The following SAMMSON variants were observed in gnomAD, a reference collection of about 807,000 sequenced individuals.
SAMMSON encodes long intergenic non-protein coding RNA 1212.
chr3:70,105,210 A>G (rs1048414569), intron 4 of SAMMSON, among the ~76,000 whole-genome samples: 30 of 152,152 alleles, frequency 2.0e-4, no homozygotes, highest in African/African-American at 7.0e-4. Context: ...TTGCTTTCCT[A>G]TTGTTGAAGA....
At chr3:70,221,676 T>C (rs536719163) in intron 4 of SAMMSON, among the ~76,000 whole-genome samples, 17 of 152,280 alleles carry the variant, frequency 1.1e-4, no homozygotes, top group African/African-American at 3.4e-4. Context: ...GACTGGTCAA[T>C]GATGCCAAGG....
chr3:70,368,724 T>TA (rs1465519259), intron 9 of SAMMSON, among the ~76,000 whole-genome samples: 2 of 151,668 alleles, frequency 1.3e-5, no homozygotes, highest in Non-Finnish European at 3.0e-5. Flanking sequence ...TCTGTTGATT[T>TA]ATGTGTTTAT....
At chr3:70,428,782 G>T (rs1292932489) in intron 2 of SAMMSON, among the ~76,000 whole-genome samples, 1 of 152,032 alleles carries the variant, frequency 6.6e-6, no homozygotes, top group East Asian at 1.9e-4. Context: ...GTTTTTTATT[G>T]ATTTATATGT....
At chr3:70,305,862 C>G (rs1702394899) in intron 7 of SAMMSON, among the ~76,000 whole-genome samples, 1 of 152,080 alleles carries the variant, frequency 6.6e-6, no homozygotes, top group Admixed American at 6.5e-5. Context: ...TGAGATTTTT[C>G]TATTATGCAT....
At chr3:70,182,447 G>A (rs1040402325) in intron 4 of SAMMSON, among the ~76,000 whole-genome samples, 4 of 151,848 alleles carry the variant, frequency 2.6e-5, no homozygotes, top group South Asian at 4.2e-4. Context: ...TGTGTTTTAT[G>A]GGGGGAGAGT....
intron 6 of SAMMSON, among the ~76,000 whole-genome samples, chr3:70,269,233 G>A (rs958135787): frequency 6.6e-6 from 1 of 152,102 alleles, no homozygotes; most frequent in Admixed American, 6.5e-5. Context: ...ATCAATTATA[G>A]GCTAGGTCAT....
At chr3:70,143,214 TGA>T (rs2067534809) in intron 4 of SAMMSON, among the ~76,000 whole-genome samples, 6 of 152,086 alleles carry the variant, frequency 3.9e-5, no homozygotes, top group Non-Finnish European at 1.5e-5. Context: ...TTTATCCATG[TGA>T]TGAAACATCT....
intron 1 of SAMMSON, among the ~76,000 whole-genome samples, chr3:70,001,652 G>T (rs2066906169): frequency 6.6e-6 from 1 of 152,074 alleles, no homozygotes; most frequent in Admixed American, 6.6e-5. Context: ...TTTATTTTGG[G>T]GGGGAATCAC....
intron 9 of SAMMSON, among the ~76,000 whole-genome samples, chr3:70,371,442 A>T (rs1470599601): frequency 6.6e-6 from 1 of 152,064 alleles, no homozygotes; most frequent in African/African-American, 2.4e-5. Flanking sequence ...CCAATCCATG[A>T]GCACAAAATG....
chr3:70,076,199 A>AACAGGTTTCACATAAAC (rs1392890754), intron 4 of SAMMSON, among the ~76,000 whole-genome samples: 1 of 152,104 alleles, frequency 6.6e-6, no homozygotes, highest in Non-Finnish European at 1.5e-5. Flanking sequence ...TGTTTATGTG[A>AACAGGTTTCACATAAAC]ATAGAAATTT....
At chr3:70,415,377 C>G (rs954425264) in intron 2 of SAMMSON, among the ~76,000 whole-genome samples, 1 of 152,068 alleles carries the variant, frequency 6.6e-6, no homozygotes, top group Non-Finnish European at 1.5e-5. Context: ...AATTTAATCA[C>G]AAAGGAAAAA....
At chr3:70,032,380 A>G (rs570133983) in intron 3 of SAMMSON, among the ~76,000 whole-genome samples, 1 of 152,346 alleles carries the variant, frequency 6.6e-6, no homozygotes, top group East Asian at 1.9e-4. Context: ...GTTTATAGCA[A>G]CAAAGATTTG....
intron 4 of SAMMSON, among the ~76,000 whole-genome samples, chr3:70,131,402 C>G (rs1418386460): frequency 6.6e-6 from 1 of 152,170 alleles, no homozygotes; most frequent in Non-Finnish European, 1.5e-5. Flanking sequence ...GTTTTCCCTG[C>G]TATCTCATTG....
intron 2 of SAMMSON, among the ~76,000 whole-genome samples, chr3:70,415,154 A>G (rs1378888835): frequency 6.6e-6 from 1 of 152,196 alleles, no homozygotes; most frequent in Non-Finnish European, 1.5e-5. Flanking sequence ...TGTGTAAAAC[A>G]AAGGTGAGTG....
At chr3:70,085,323 C>T (rs6549268) in intron 4 of SAMMSON, among the ~76,000 whole-genome samples, 51,462 of 152,078 alleles carry the variant, frequency 0.34, 9,404 homozygotes, top group African/African-American at 0.47. Flanking sequence ...AGAATTCTTT[C>T]TGGGTTCCCC....
chr3:70,406,839 G>A (rs1313586739), intron 2 of SAMMSON, among the ~76,000 whole-genome samples: 1 of 152,194 alleles, frequency 6.6e-6, no homozygotes, highest in Non-Finnish European at 1.5e-5. Context: ...AAAACAATGA[G>A]TGAGATGATA....
chr3:70,403,073 A>G (rs1343525324), intron 2 of SAMMSON, among the ~76,000 whole-genome samples: 1 of 152,116 alleles, frequency 6.6e-6, no homozygotes, highest in Admixed American at 6.6e-5. Flanking sequence ...TTCTTTTGCT[A>G]CTTCAGTGTG....
intron 2 of SAMMSON, among the ~76,000 whole-genome samples, chr3:70,422,887 A>G (rs146171368): frequency 1.1e-4 from 16 of 152,148 alleles, no homozygotes; most frequent in African/African-American, 3.6e-4. Flanking sequence ...TAATATGATT[A>G]TCTCATTGAT....
intron 3 of SAMMSON, among the ~76,000 whole-genome samples, chr3:70,036,486 A>T (rs1343828709): frequency 6.6e-6 from 1 of 152,178 alleles, no homozygotes; most frequent in Non-Finnish European, 1.5e-5. Context: ...TAACTCAGCC[A>T]CAGTGATTGT....
Sources: gnomAD v4.1 joint callset for allele counts (sites outside exome capture counted in the v4.1 genomes callset) on GRCh38, gnomAD v4.1.1 for gene constraint, MANE v1.5 for transcripts, NCBI Gene and HGNC (gene_info 2026-07-23, HGNC 2026-07-21) for gene names.